Variants in ITFG1 observed in about 807,000 individuals in gnomAD.
ITFG1 encodes the protein integrin alpha FG-GAP repeat containing 1.
A neutral mutation model predicts 81.8 loss-of-function variants in ITFG1; 34 were observed. The observed-to-expected ratio is 0.42, with a 90% CI of 0.32 to 0.55. The LOEUF (loss-of-function observed/expected upper bound fraction) is 0.55, where lower values mean the gene tolerates loss of function less well. Ranked by LOEUF, ITFG1 falls within the 20% of genes least tolerant of loss-of-function variation. ITFG1 has a pLI of 0.17. For synonymous variants in ITFG1, 285 were observed against 270.6 expected (o/e 1.05, Z -0.52); for missense variants, 672 against 755.4 (o/e 0.89, Z 1.29).
intron 10 of ITFG1, among the ~76,000 whole-genome samples, chr16:47,289,045 G>A (rs1336301518): frequency 6.6e-6 from 1 of 152,090 alleles, no homozygotes; most frequent in Non-Finnish European, 1.5e-5. Flanking sequence ...CTAAATTATT[G>A]AGAGTTTTTA....
At chr16:47,397,535 T>C (rs1455857997) in intron 6 of ITFG1, among the ~76,000 whole-genome samples, 2 of 152,224 alleles carry the variant, frequency 1.3e-5, no homozygotes, top group Non-Finnish European at 2.9e-5. Context: ...CAGGGACTAT[T>C]TTGCCTTTTA....
intron 10 of ITFG1, among the ~76,000 whole-genome samples, chr16:47,274,256 T>C (rs920148283): frequency 3.8e-4 from 57 of 151,224 alleles, no homozygotes; most frequent in African/African-American, 1.3e-3. Flanking sequence ...CTCCATCTCA[T>C]AAAAAGAAAA....
At chr16:47,380,526 C>T (rs1056580056) in intron 6 of ITFG1, among the ~76,000 whole-genome samples, 1 of 152,132 alleles carries the variant, frequency 6.6e-6, no homozygotes, top group Non-Finnish European at 1.5e-5. Context: ...AGTCAAGGAC[C>T]TAGTGGACAC....
At position 47,258,640 on chromosome 16, in the gene ITFG1, T is replaced by C; in HGVS notation, c.1322A>G (p.Lys441Arg). ...NNFEADAYFV[K>R]VIVLSGLCSN... is the part of the protein sequence containing the mutation. The stretch of plus-strand genomic sequence containing the variant: ...GTTAGTACTTTACTCACCAATAACT[T>C]TAACAAAATAAGCATCTGCTTCAAA... Residue 441 changes from lysine to arginine, a missense_variant, in exon 12 of 18, where the codon AAA (lysine) becomes AGA (arginine). Lys to Arg is a conservative substitution (Grantham distance 26). Transcript: ENST00000320640. The C allele has an allele frequency of 7.2e-7, 1 of 1,395,424 alleles. No homozygotes were observed. The highest frequency in any genetic ancestry group is 1.0e-6 in the Non-Finnish European group (1 of 994,016). The allele number at this position is 1,395,424 out of a possible 1,614,324, so 86.4% of individuals were successfully genotyped here.
intron 14 of ITFG1, among the ~76,000 whole-genome samples, chr16:47,171,635 A>G (rs1964964205): frequency 6.6e-6 from 1 of 151,990 alleles, no homozygotes. Flanking sequence ...TGCTGATTTG[A>G]GATCGTTGTT....
intron 10 of ITFG1, among the ~76,000 whole-genome samples, chr16:47,262,524 T>C (rs1012768773): frequency 2.6e-5 from 4 of 152,256 alleles, no homozygotes; most frequent in African/African-American, 9.6e-5. Context: ...TATTCTATAA[T>C]CTATGCATCA....
intron 6 of ITFG1, among the ~76,000 whole-genome samples, chr16:47,424,020 T>C (rs1174117395): frequency 6.6e-6 from 1 of 152,218 alleles, no homozygotes; most frequent in African/African-American, 2.4e-5. Context: ...TCCTGAAGAG[T>C]GTTTTCCAAC....
chr16:47,301,963 C>G (rs1352167911), intron 10 of ITFG1, among the ~76,000 whole-genome samples: 1 of 152,016 alleles, frequency 6.6e-6, no homozygotes, highest in Non-Finnish European at 1.5e-5. Flanking sequence ...GGTATTTTCT[C>G]ATGGATGCCA....
intron 5 of ITFG1, among the ~76,000 whole-genome samples, chr16:47,444,554 A>AT (rs1969298386): frequency 6.6e-6 from 1 of 152,198 alleles, no homozygotes; most frequent in South Asian, 2.1e-4. Flanking sequence ...GTAAATTTAT[A>AT]TATTAGGTGA....
chr16:47,327,320 T>C (rs970012129), intron 8 of ITFG1, among the ~76,000 whole-genome samples: 6 of 152,066 alleles, frequency 3.9e-5, no homozygotes, highest in African/African-American at 1.2e-4. Flanking sequence ...ATACAAAAAT[T>C]AATTCAAGAT....
At chr16:47,174,606 C>T (rs146470086) in intron 14 of ITFG1, among the ~76,000 whole-genome samples, 2 of 151,910 alleles carry the variant, frequency 1.3e-5, no homozygotes, top group Admixed American at 1.3e-4. Context: ...GTGCAGCCTC[C>T]GCCTCCCACG....
chr16:47,219,220 G>A (rs1465128891), intron 13 of ITFG1, among the ~76,000 whole-genome samples: 1 of 152,022 alleles, frequency 6.6e-6, no homozygotes, highest in Non-Finnish European at 1.5e-5. Context: ...ATTTTAACTG[G>A]GTATTTCTAA....
intron 8 of ITFG1, among the ~76,000 whole-genome samples, chr16:47,337,445 C>A (rs1304808112): frequency 6.6e-6 from 1 of 151,864 alleles, no homozygotes; most frequent in African/African-American, 2.4e-5. Context: ...TGGTGGGAAC[C>A]TATAATCCCA....
At chr16:47,461,162 CG>C, upstream of ITFG1, 1 of 1,113,546 alleles carries the variant, frequency 9.0e-7, no homozygotes, top group Non-Finnish European at 1.2e-6. Flanking sequence ...GAGCCGCTGC[CG>C]GCTCCTTTTT....
intron 6 of ITFG1, among the ~76,000 whole-genome samples, chr16:47,381,359 G>A (rs562067379): frequency 6.6e-5 from 10 of 152,202 alleles, no homozygotes; most frequent in African/African-American, 1.2e-4. Flanking sequence ...AAAATATTCC[G>A]ATGGAAATTA....
intron 13 of ITFG1, among the ~76,000 whole-genome samples, chr16:47,219,468 A>G (rs1248622996): frequency 6.6e-6 from 1 of 152,162 alleles, no homozygotes; most frequent in Non-Finnish European, 1.5e-5. Context: ...TACAATGGTG[A>G]GGTCTATCTC....
At chr16:47,195,532 G>T (rs904348240) in intron 14 of ITFG1, among the ~76,000 whole-genome samples, 5 of 151,966 alleles carry the variant, frequency 3.3e-5, no homozygotes, top group Admixed American at 2.0e-4. Flanking sequence ...AAAAATAAAA[G>T]ACCTTATTTT....
At position 47,163,946 on chromosome 16, in the gene ITFG1, C is replaced by T. The variant is rs372532866; in HGVS notation, c.1454-1282G>A. ...ACACACACACACACACACACACACACACACACATACACACACACACACACC... is the reference window on the plus strand; with the variant it reads ...ACACACACACACACACACACACACATACACACATACACACACACACACACC... On this transcript the variant is annotated intron_variant, in intron 14 of 17. Transcript: ENST00000320640. Among the ~76,000 whole-genome samples, 362 of 149,030 alleles carry T rather than the reference C, an allele frequency of 2.4e-3. 4 individuals are homozygous for T. The highest frequency in any genetic ancestry group is 8.6e-3 in the African/African-American group (334 of 39,050).
At chr16:47,218,702 A>G (rs1181641504) in intron 14 of ITFG1, 166 bp downstream of exon 14, 1 of 382,680 alleles carries the variant, frequency 2.6e-6, no homozygotes, top group Non-Finnish European at 4.6e-6. Context: ...TTTTGTCATA[A>G]GAACCTTTTA....
Sources: allele counts gnomAD v4.1 joint callset (sites outside exome capture counted in the v4.1 genomes callset), GRCh38; gene constraint gnomAD v4.1.1; transcripts MANE v1.5; gene names NCBI Gene and HGNC (gene_info 2026-07-23, HGNC 2026-07-21).